The following NPAS3 variants were observed in gnomAD, a reference collection of about 807,000 sequenced individuals.
The protein encoded by NPAS3 is neuronal PAS domain protein 3, also known as neuronal PAS domain-containing protein 3.
A neutral mutation model predicts 73.1 loss-of-function variants in NPAS3; 14 were observed. The ratio of observed to expected loss-of-function variants is 0.19; its 90% CI spans 0.13 to 0.30. The LOEUF (loss-of-function observed/expected upper bound fraction) is 0.30, where lower values mean the gene tolerates loss of function less well. Among genes scored for constraint, NPAS3 ranks in the 10% least tolerant of loss-of-function variants. The pLI, the probability that NPAS3 is intolerant of heterozygous loss-of-function variation, is 1.00. For missense variants in NPAS3, 1,096 were observed against 1,250.0 expected (o/e 0.88, Z 1.86); for synonymous variants, 620 against 541.5 (o/e 1.14, Z -2.01).
intron 4 of NPAS3, among the ~76,000 whole-genome samples, chr14:33,508,667 G>A (rs1339517187): frequency 6.6e-6 from 1 of 152,028 alleles, no homozygotes; most frequent in African/African-American, 2.4e-5. Flanking sequence ...CTTACAGCCA[G>A]GAAGGAGAGA....
intron 2 of NPAS3, among the ~76,000 whole-genome samples, chr14:33,163,642 T>A (rs1595583141): frequency 6.9e-6 from 1 of 145,278 alleles, no homozygotes; most frequent in East Asian, 2.0e-4. Flanking sequence ...TTTTTTTTTT[T>A]TCAAATTTGC....
chr14:33,003,319 C>T (rs567100616), intron 1 of NPAS3, among the ~76,000 whole-genome samples: 102 of 151,808 alleles, frequency 6.7e-4, no homozygotes, highest in Non-Finnish European at 1.1e-3. Flanking sequence ...ATAAGCCCAA[C>T]GACCCACTGC....
intron 4 of NPAS3, among the ~76,000 whole-genome samples, chr14:33,408,463 C>T (rs1199505306): frequency 6.6e-6 from 1 of 151,880 alleles, no homozygotes. Context: ...ATCTCTTCTT[C>T]CTGGGAAACA....
intron 3 of NPAS3, among the ~76,000 whole-genome samples, chr14:33,364,254 A>C (rs993704331): frequency 2.0e-5 from 3 of 152,234 alleles, no homozygotes; most frequent in African/African-American, 7.2e-5. Context: ...AAACATAATA[A>C]GATTAACACG....
At chr14:33,014,715 G>A (rs2039332836) in intron 1 of NPAS3, among the ~76,000 whole-genome samples, 1 of 151,858 alleles carries the variant, frequency 6.6e-6, no homozygotes, top group African/African-American at 2.4e-5. Context: ...TTTTGATGAG[G>A]GAAAAATGAA....
chr14:33,649,476 A>T (rs12100558), intron 5 of NPAS3, among the ~76,000 whole-genome samples: 2,766 of 152,356 alleles, frequency 0.018, 83 homozygotes, highest in African/African-American at 0.063. Flanking sequence ...AAAAGATGCT[A>T]TTCCCATCTC....
At chr14:32,996,151 G>T (rs908064652) in intron 1 of NPAS3, among the ~76,000 whole-genome samples, 2 of 152,174 alleles carry the variant, frequency 1.3e-5, no homozygotes, top group African/African-American at 4.8e-5. Flanking sequence ...GTGGCATTTT[G>T]CCCCTGCCCT....
intron 2 of NPAS3, among the ~76,000 whole-genome samples, chr14:33,085,927 A>G (rs8008999): frequency 0.34 from 52,050 of 152,020 alleles, 10,112 homozygotes; most frequent in African/African-American, 0.52. Flanking sequence ...GGAAGTGTTA[A>G]TTATTCACCT....
At chr14:32,939,757 TC>T (rs1233210665) in intron 1 of NPAS3, among the ~76,000 whole-genome samples, 2 of 147,064 alleles carry the variant, frequency 1.4e-5, no homozygotes, top group Non-Finnish European at 3.0e-5. Flanking sequence ...CCGCCGCAGG[TC>T]CCCTAGCAGC....
chr14:33,194,327 C>G (rs993787552), intron 2 of NPAS3, among the ~76,000 whole-genome samples: 7 of 152,138 alleles, frequency 4.6e-5, no homozygotes, highest in African/African-American at 7.2e-5. Flanking sequence ...TCTTTTCCAT[C>G]TAAGCTTCCA....
At chr14:32,977,356 G>GCGCACACACACACA (rs1555313829) in intron 1 of NPAS3, among the ~76,000 whole-genome samples, 2 of 141,448 alleles carry the variant, frequency 1.4e-5, no homozygotes, top group South Asian at 2.3e-4. Context: ...TCTCTGACAC[G>GCGCACACACACACA]CACACACACA....
intron 6 of NPAS3, among the ~76,000 whole-genome samples, chr14:33,707,489 G>A (rs935421180): frequency 6.6e-6 from 1 of 152,148 alleles, no homozygotes; most frequent in African/African-American, 2.4e-5. Flanking sequence ...CAGCATGAAG[G>A]CAGCTGAGGA....
intron 2 of NPAS3, among the ~76,000 whole-genome samples, chr14:33,136,276 G>A (rs965949093): frequency 2.0e-5 from 3 of 151,834 alleles, no homozygotes; most frequent in Non-Finnish European, 4.4e-5. Flanking sequence ...GGCCAGGCTG[G>A]TCTCAATCTC....
At chr14:33,739,019 G>A (rs2061592589) in intron 7 of NPAS3, among the ~76,000 whole-genome samples, 1 of 152,150 alleles carries the variant, frequency 6.6e-6, no homozygotes, top group African/African-American at 2.4e-5. Context: ...CTTCTGAAAT[G>A]CCTACCAGCT....
intron 7 of NPAS3, among the ~76,000 whole-genome samples, chr14:33,750,011 G>A (rs191793193): frequency 8.1e-4 from 124 of 152,230 alleles, no homozygotes; most frequent in African/African-American, 2.9e-3. Flanking sequence ...TCTTAATCAT[G>A]CCATCCAGTC....
chr14:33,139,648 A>G (rs912461159), intron 2 of NPAS3, among the ~76,000 whole-genome samples: 2 of 152,204 alleles, frequency 1.3e-5, no homozygotes, highest in South Asian at 2.1e-4. Flanking sequence ...CAAGCTCCAT[A>G]CAATACTGCA....
intron 3 of NPAS3, among the ~76,000 whole-genome samples, chr14:33,288,380 T>G (rs1238035342): frequency 6.6e-6 from 1 of 152,146 alleles, no homozygotes; most frequent in Non-Finnish European, 1.5e-5. Context: ...ACAAAGCCAT[T>G]TGTCCCCATC....
intron 4 of NPAS3, among the ~76,000 whole-genome samples, chr14:33,426,465 G>A (rs866902844): frequency 4.6e-5 from 7 of 152,008 alleles, no homozygotes; most frequent in African/African-American, 9.7e-5. Flanking sequence ...ACCTGAGTTC[G>A]GAGTGGACTG....
chr14:33,798,924 T>C lies in NPAS3; in HGVS notation c.1427-810T>C, dbSNP rs377640361. 9.0e-5 allele frequency among the ~76,000 whole-genome samples: 13 copies of C among 145,108 alleles called. No individual in the cohort carries two copies. The East Asian group carries it at 2.5e-3, about 27-fold the overall frequency. On this transcript the variant is annotated intron_variant, in intron 11 of 11. Coordinates refer to ENST00000356141, the Ensembl canonical transcript of NPAS3. ...GGGAGGCTGAGGTGGGCGCATTGCT[T>C]GAGTCCAGGAGTTTGAGAGCAGCCT...
Sources: allele counts gnomAD v4.1 joint callset (sites outside exome capture counted in the v4.1 genomes callset), GRCh38; gene constraint gnomAD v4.1.1; transcripts MANE v1.5; gene names NCBI Gene and HGNC (gene_info 2026-07-23, HGNC 2026-07-21).